The following HEATR5B variants were observed in gnomAD, a reference collection of about 807,000 sequenced individuals.
The protein encoded by HEATR5B is HEAT repeat containing 5B.
HEATR5B carries 156 observed loss-of-function variants against 224.1 expected under a neutral mutation model. The ratio of observed to expected loss-of-function variants is 0.70; its 90% confidence interval spans 0.61 to 0.80. HEATR5B has a LOEUF of 0.80. Among genes scored for constraint, HEATR5B ranks in the 30% least tolerant of loss-of-function variants. The pLI is 0.00. For synonymous variants in HEATR5B, 1,027 were observed against 893.0 expected, an observed-to-expected ratio of 1.15 and a Z score of -2.68; for missense variants, 2,323 against 2,535.5, an observed-to-expected ratio of 0.92 and a Z score of 1.80.
intron 21 of HEATR5B, among the ~76,000 whole-genome samples, chr2:37,033,418 T>C (rs948850195): frequency 1.2e-4 from 18 of 152,192 alleles, no homozygotes; most frequent in Non-Finnish European, 1.2e-4. Flanking sequence ...CATGGTCCTA[T>C]TCAACTTTGT....
At chr2:37,046,576 T>C (rs1404207195) in intron 18 of HEATR5B, among the ~76,000 whole-genome samples, 1 of 149,344 alleles carries the variant, frequency 6.7e-6, no homozygotes, top group East Asian at 2.0e-4. Context: ...CAGGTGGAGG[T>C]TGCAGTGAGC....
chr2:37,068,741 C>G lies in HEATR5B; in HGVS notation c.1117G>C (p.Ala373Pro). ...ATTTCTTTGGCAGCTGCAATCTGGG[C>G]TTTTTCACCTAGCAAACTGCCCACA... Reference protein sequence around the residue: ...ATVGSLLGEKAQIAAAKEICQ... With the variant: ...ATVGSLLGEKPQIAAAKEICQ... The change falls in exon 8 of 36, where the codon GCC (alanine) becomes CCC (proline). Residue 373 changes from alanine (A) to proline (P), a missense_variant. Around this residue, in one of 12 missense-constraint regions of HEATR5B, gnomAD observed 502 missense variants for 517.8 expected, o/e 0.97. Transcript: ENST00000233099. 6.2e-7 allele frequency: 1 copy of G among 1,614,080 alleles called. No homozygotes were observed.
intron 34 of HEATR5B, among the ~76,000 whole-genome samples, chr2:36,989,374 A>C (rs1402889121): frequency 2.0e-5 from 3 of 152,156 alleles, no homozygotes; most frequent in Non-Finnish European, 4.4e-5. Context: ...GTGAGCCACC[A>C]TGCCCGGCCA....
Position 37,050,930 on chromosome 2 carries a change from A to G in HEATR5B, c.2506-1087T>C, listed in dbSNP as rs568711738. Among the ~76,000 whole-genome samples the G allele has an allele frequency of 5.3e-5, 8 of 152,056 alleles. No individual in the cohort carries two copies. In the South Asian group the frequency reaches 1.2e-3, roughly 24 times the overall value. ...GTTGCACATGCCTGTAATCCCAGCT[A>G]CTCAGCAGACTTAGGCAGGAGAATC... On this transcript the variant is annotated intron_variant, in intron 17 of 35. Coordinates refer to ENST00000233099, the MANE Select transcript of HEATR5B (RefSeq NM_019024.3).
intron 5 of HEATR5B, among the ~76,000 whole-genome samples, 185 bp downstream of exon 5, chr2:37,075,300 A>C (rs1478248516): frequency 6.6e-6 from 1 of 152,260 alleles, no homozygotes; most frequent in East Asian, 1.9e-4. Flanking sequence ...TAAGTGAAAG[A>C]AGCCAGAATA....
At chr2:37,025,543 A>G (rs1572834261) in intron 24 of HEATR5B, among the ~76,000 whole-genome samples, 1 of 152,186 alleles carries the variant, frequency 6.6e-6, no homozygotes, top group East Asian at 1.9e-4. Flanking sequence ...AAAACCTTAG[A>G]GAGTAAAAAG....
chr2:37,016,258 G>A (rs1668112543), intron 26 of HEATR5B, among the ~76,000 whole-genome samples: 1 of 151,802 alleles, frequency 6.6e-6, no homozygotes, highest in Non-Finnish European at 1.5e-5. Context: ...GACTACAGGC[G>A]CCTAACACCA....
chr2:36,983,941 G>A (rs1263334143), intron 35 of HEATR5B, among the ~76,000 whole-genome samples: 1 of 151,476 alleles, frequency 6.6e-6, no homozygotes. Context: ...GCTCATGCCT[G>A]TAATCTCAGC....
intron 32 of HEATR5B, 56 bp from the exon 33 acceptor site, chr2:37,000,869 T>TG: frequency 1.7e-6 from 2 of 1,154,926 alleles, no homozygotes; most frequent in Non-Finnish European, 2.5e-6. Context: ...ATATTATAGT[T>TG]GTTTTCATTG....
intron 6 of HEATR5B, among the ~76,000 whole-genome samples, chr2:37,070,711 T>C (rs1671853830): frequency 6.6e-6 from 1 of 152,240 alleles, no homozygotes; most frequent in South Asian, 2.1e-4. Context: ...TCAGTTCTCA[T>C]TCCCGCCTGA....
intron 17 of HEATR5B, among the ~76,000 whole-genome samples, chr2:37,050,435 G>A (rs968577089): frequency 2.0e-5 from 3 of 152,070 alleles, no homozygotes; most frequent in Non-Finnish European, 4.4e-5. Context: ...GTACTTAAAA[G>A]TTACTTCCAT....
At position 37,037,859 on chromosome 2, in the gene HEATR5B, AG is replaced by A. The variant is rs1669599841; in HGVS notation, c.3211del (p.Leu1071PhefsTer36). On this transcript the variant is annotated frameshift_variant, in exon 21 of 36. Coordinates refer to ENST00000233099, the MANE Select transcript of HEATR5B (RefSeq NM_019024.3). LOFTEE classifies it high-confidence loss of function. ...ATGAAATAGCTCTATACTTACACAA[AG>A]GCTAGGAACAAGGCTAGATAGATTG... ...HVNLSSLVPSLCVHLCSSHLL... is the reference protein window; with the variant it reads ...HVNLSSLVPSXCVHLCSSHLL... 1 of 1,522,596 alleles carries A rather than the reference AG, an allele frequency of 6.6e-7. No individual in the cohort carries two copies. The highest frequency in any genetic ancestry group is 1.4e-5 in the African/African-American group (1 of 71,836). The allele number at this position is 1,522,596 out of a possible 1,614,324, so 94.3% of individuals were successfully genotyped here.
At chr2:36,982,797 T>C (rs938765384) in intron 35 of HEATR5B, among the ~76,000 whole-genome samples, 2 of 151,188 alleles carry the variant, frequency 1.3e-5, no homozygotes, top group African/African-American at 4.9e-5. Flanking sequence ...ACATCTAAAA[T>C]TGATATATCC....
chr2:37,072,372 G>C (rs202218468), intron 5 of HEATR5B, 91 bp from the exon 6 acceptor site: 2 of 810,778 alleles, frequency 2.5e-6, no homozygotes, highest in East Asian at 5.2e-5. Context: ...CCTCTCCTGA[G>C]ATAACCAAAA....
intron 27 of HEATR5B, among the ~76,000 whole-genome samples, chr2:37,012,156 A>G (rs761295371): frequency 2.0e-5 from 3 of 152,352 alleles, no homozygotes; most frequent in African/African-American, 7.2e-5. Flanking sequence ...TTACCAGTCT[A>G]AACAGTTATA....
intron 4 of HEATR5B, 71 bp from the exon 5 acceptor site, chr2:37,075,705 A>G (rs1474294216): frequency 7.9e-7 from 1 of 1,260,738 alleles, no homozygotes; most frequent in African/African-American, 1.5e-5. Flanking sequence ...ACACCAAGAC[A>G]AAAGTTCTTT....
intron 17 of HEATR5B, among the ~76,000 whole-genome samples, chr2:37,051,787 T>G (rs1670568020): frequency 6.6e-6 from 1 of 152,170 alleles, no homozygotes; most frequent in Non-Finnish European, 1.5e-5. Context: ...TCCCCCAGGC[T>G]GGAGTGCAAT....
At chr2:37,045,458 C>T (rs895841897) in intron 18 of HEATR5B, among the ~76,000 whole-genome samples, 1 of 152,186 alleles carries the variant, frequency 6.6e-6, no homozygotes, top group African/African-American at 2.4e-5. Flanking sequence ...GCTCCCATTA[C>T]TGAAGCAATA....
intron 9 of HEATR5B, among the ~76,000 whole-genome samples, 176 bp downstream of exon 9, chr2:37,065,579 G>C (rs1466774491): frequency 6.6e-6 from 1 of 152,044 alleles, no homozygotes; most frequent in African/African-American, 2.4e-5. Context: ...AAAGTGCTAG[G>C]ATTATAGGCA....
Sources: gnomAD v4.1 joint callset for allele counts (sites outside exome capture counted in the v4.1 genomes callset) on GRCh38, gnomAD v4.1.1 for gene constraint, gnomAD v4.1.1 regional missense constraint, MANE v1.5 for transcripts, NCBI Gene and HGNC (gene_info 2026-07-23, HGNC 2026-07-21) for gene names.